PAGE3: variants seen among roughly 807,000 people sequenced by gnomAD.
PAGE3 encodes P antigen family member 3.
PAGE3 carries 9 observed loss-of-function variants against 3.8 expected under a neutral mutation model. That is an observed-to-expected ratio of 2.36 (90% confidence interval 1.42 to 4.12). The LOEUF is 4.12. PAGE3 is among the 30% of genes most tolerant of loss of function. The pLI is 0.00. For missense variants in PAGE3, 73 were observed against 37.8 expected (o/e 1.93, Z -2.44); for synonymous variants, 24 against 13.1 (o/e 1.83, Z -1.79).
intron 4 of PAGE3, among the ~76,000 whole-genome samples, chrX:55,259,277 G>A (rs1398643436): frequency 9.1e-6 from 1 of 109,943 alleles, no homozygotes; most frequent in Non-Finnish European, 1.9e-5. Context: ...AGGAGAGAGA[G>A]AAAGAGAAGA....
chrX:55,258,669 G>A (rs1027582669), intron 4 of PAGE3, 141 bp from the exon 5 acceptor site: 4 of 375,723 alleles, frequency 1.1e-5, no homozygotes, highest in South Asian at 1.4e-4. Context: ...CAGTTAAACC[G>A]CTATAGAGAC....
In PAGE3 at chrX:55,262,197, C is replaced by T. The variant is rs189663907; in HGVS notation, c.193+1054G>A. ...ATGTAAATATTTTGCTCCAAAATGC[C>T]ATACCTGGAAGAACTAATTGTTTCA... On this transcript the variant is annotated intron_variant, in intron 3 of 4. Coordinates refer to ENST00000374951, the MANE Select transcript of PAGE3 (RefSeq NM_001017931.3). 5.6e-3 allele frequency among the ~76,000 whole-genome samples: 624 copies of T among 111,616 alleles called. 11 individuals are homozygous for T. The highest frequency in any genetic ancestry group is 0.019 in the African/African-American group (595 of 30,770).
At chrX:55,260,773 T>A in intron 3 of PAGE3, 114 bp from the exon 4 acceptor site, 1 of 364,172 alleles carries the variant, frequency 2.7e-6, no homozygotes, top group Admixed American at 5.0e-5. Flanking sequence ...GCTAGTGTGG[T>A]AATACACGCA....
In PAGE3 at chrX:55,263,285, A is replaced by T; in HGVS notation, c.159T>A (p.Gly53=). 1.8e-6 allele frequency: 1 copy of T among 569,438 alleles called. No homozygotes were observed. The highest frequency in any genetic ancestry group is 3.2e-6 in the Non-Finnish European group (1 of 309,026). 46.9% of individuals were successfully genotyped at this position (569,438 alleles called of 1,213,427 possible). A position where few individuals can be genotyped will look rare whatever the true frequency, so the allele number is the denominator to read the frequency against. The change falls in exon 3 of 5, where the codon GGT becomes GGA. Residue 53 remains glycine, a synonymous_variant. Transcript: ENST00000374951. Reference sequence around the variant, plus strand: ...CCAGTGCTCCCTCGTCTCTCTCTTGACCAGGTGTATAATCCTGACTTTCAA... The same window carrying T: ...CCAGTGCTCCCTCGTCTCTCTCTTGTCCAGGTGTATAATCCTGACTTTCAA... ...PPIESQDYTP[G]QERDEGALDF...
At chrX:55,263,472 A>AT (rs770424128) in intron 2 of PAGE3, 113 bp from the exon 3 acceptor site, 30 of 431,111 alleles carry the variant, frequency 7.0e-5, no homozygotes, top group South Asian at 5.6e-4. Flanking sequence ...GTCTAAAGAC[A>AT]TTTTTTTCCT....
chrX:55,260,482 G>A (rs756894375), intron 4 of PAGE3, 52 bp downstream of exon 4: 1 of 522,885 alleles, frequency 1.9e-6, no homozygotes, highest in East Asian at 3.6e-5. Context: ...AAAATATATA[G>A]TATTTTTGAA....
At chrX:55,259,842 G>A (rs1938255227) in intron 4 of PAGE3, among the ~76,000 whole-genome samples, 1 of 110,271 alleles carries the variant, frequency 9.1e-6, no homozygotes, top group African/African-American at 3.3e-5. Flanking sequence ...CTTCCTATGA[G>A]TATATGTTGA....
At chrX:55,259,825 C>G (rs998160694) in intron 4 of PAGE3, among the ~76,000 whole-genome samples, 1 of 110,388 alleles carries the variant, frequency 9.1e-6, no homozygotes, top group Non-Finnish European at 1.9e-5. Flanking sequence ...GTATTTAAAG[C>G]AATGATCTTC....
intron 4 of PAGE3, among the ~76,000 whole-genome samples, chrX:55,259,894 A>G (rs1049429070): frequency 1.5e-4 from 17 of 111,359 alleles, no homozygotes; most frequent in Admixed American, 9.6e-4. Flanking sequence ...TTTAATCTAA[A>G]TATTCTAATG....
chrX:55,263,806 G>T lies in PAGE3; in HGVS notation c.84+14C>A, dbSNP rs376875730. 1.8e-6 allele frequency: 1 copy of T among 557,473 alleles called. No homozygotes were observed. The highest frequency in any genetic ancestry group is 3.3e-5 in the East Asian group (1 of 30,562). The allele number at this position is 557,473 out of a possible 1,213,427, so 45.9% of individuals were successfully genotyped here. A position where few individuals can be genotyped will look rare whatever the true frequency, so the allele number is the denominator to read the frequency against. ...AAGTTTCTAATAGAAAATATCAAAT[G>T]TTAAAATACTCACAACCACAGCCCC... On this transcript the variant is annotated intron_variant, in intron 2 of 4. Coordinates refer to ENST00000374951, the MANE Select transcript of PAGE3 (RefSeq NM_001017931.3).
chrX:55,261,077 G>A (rs1256876682), intron 3 of PAGE3, among the ~76,000 whole-genome samples: 2 of 111,494 alleles, frequency 1.8e-5, no homozygotes, highest in African/African-American at 3.3e-5. Context: ...TGAAAAAAAA[G>A]TATTTAAAAA....
intron 3 of PAGE3, among the ~76,000 whole-genome samples, chrX:55,262,711 T>TATATATATATATATATGTG (rs1569162350): frequency 9.4e-5 from 1 of 10,614 alleles, no homozygotes; most frequent in Non-Finnish European, 1.3e-3. Flanking sequence ...ATGATATATA[T>TATATATATATATATATGTG]ATATATATAT....
rs766594443 is a variant in PAGE3 at position 55,264,779 on chromosome X, A to T, written c.-242T>A. On this transcript the variant is annotated 5_prime_UTR_variant, in exon 1 of 5. It adds an upstream start codon to the 5' untranslated region. Transcript: ENST00000374951. ...TGGCTCCCCTTCACATTCACTCACAACTAAATTCCCAGGAGGACTGATCTG... is the reference window on the plus strand; with the variant it reads ...TGGCTCCCCTTCACATTCACTCACATCTAAATTCCCAGGAGGACTGATCTG... The T allele has an allele frequency of 3.6e-5, 4 of 111,098 alleles. No homozygotes were observed. Among genetic ancestry groups the T allele is most frequent in the South Asian group, 7.7e-4 (2 of 2,607 alleles). The allele number at this position is 111,098 out of a possible 1,213,427, so 9.2% of individuals were successfully genotyped here.
chrX:55,258,966 T>G (rs905394857), intron 4 of PAGE3, among the ~76,000 whole-genome samples: 92 of 111,867 alleles, frequency 8.2e-4, no homozygotes, highest in African/African-American at 2.7e-3. Flanking sequence ...GTGGCATAAA[T>G]AGAAAGGCTA....
At chrX:55,263,437 T>C (rs1414767548) in intron 2 of PAGE3, 78 bp from the exon 3 acceptor site, 1 of 454,967 alleles carries the variant, frequency 2.2e-6, no homozygotes, top group Non-Finnish European at 3.9e-6. Context: ...ATACTCAATA[T>C]ACAAATATAT....
rs373519076 is a variant in PAGE3, at chrX:55,258,589, C to T, written c.320-61G>A. On this transcript the variant is annotated intron_variant, in intron 4 of 4. Transcript: ENST00000374951. ...AGCAGAACTTTTTATGATGACACTA[C>T]GGGTTGAAAAAAGGCATAGTTTTGG... The T allele has an allele frequency of 1.5e-4, 79 of 538,130 alleles. 3 individuals carry two copies. The Admixed American group carries it at 1.5e-3, about 10-fold the overall frequency. The allele number at this position is 538,130 out of a possible 1,213,427, so 44.3% of individuals were successfully genotyped here.
chrX:55,263,512 A>G (rs1938335613), intron 2 of PAGE3, among the ~76,000 whole-genome samples, 153 bp from the exon 3 acceptor site: 1 of 112,360 alleles, frequency 8.9e-6, no homozygotes, highest in Non-Finnish European at 1.9e-5. Context: ...TATTCTTAAT[A>G]GTTACTACAA....
chrX:55,261,579 C>T (rs1325133094), intron 3 of PAGE3, among the ~76,000 whole-genome samples: 1 of 111,665 alleles, frequency 9.0e-6, no homozygotes, highest in Non-Finnish European at 1.9e-5. Context: ...TTATTTTTGA[C>T]AACATTAACA....
chrX:55,264,292 G>A (rs777450438), intron 1 of PAGE3, among the ~76,000 whole-genome samples: 1 of 110,678 alleles, frequency 9.0e-6, no homozygotes, highest in South Asian at 3.9e-4. Context: ...TTATTGGAAC[G>A]CACAGCCTCT....
Sources: allele counts gnomAD v4.1 joint callset (sites outside exome capture counted in the v4.1 genomes callset), GRCh38; gene constraint gnomAD v4.1.1; transcripts MANE v1.5; gene names NCBI Gene and HGNC (gene_info 2026-07-23, HGNC 2026-07-21).